Variants in SYT14 observed in about 807,000 individuals in gnomAD.
SYT14 encodes the protein synaptotagmin 14.
A neutral mutation model predicts 74.2 loss-of-function variants in SYT14; 32 were observed. That is an observed-to-expected ratio of 0.43 (90% confidence interval 0.33 to 0.58). The LOEUF is 0.58. SYT14 is among the 20% of genes least tolerant of loss of function. The pLI is 0.05. For synonymous variants in SYT14, 298 were observed against 337.7 expected, an observed-to-expected ratio of 0.88 and a Z score of 1.29; for missense variants, 791 against 981.8, an observed-to-expected ratio of 0.81 and a Z score of 2.60.
At chr1:209,957,214 C>A (rs926458987) in intron 2 of SYT14, among the ~76,000 whole-genome samples, 2 of 152,060 alleles carry the variant, frequency 1.3e-5, no homozygotes, top group African/African-American at 4.8e-5. Context: ...CTAACTTTAG[C>A]CCCCATTGCT....
chr1:210,022,269 G>A (rs2080319008), intron 5 of SYT14, among the ~76,000 whole-genome samples: 1 of 152,106 alleles, frequency 6.6e-6, no homozygotes, highest in African/African-American at 2.4e-5. Flanking sequence ...AAAGATTAGT[G>A]CACCTCAATT....
intron 2 of SYT14, among the ~76,000 whole-genome samples, chr1:209,973,202 A>G (rs2079290196): frequency 6.6e-6 from 1 of 150,592 alleles, no homozygotes; most frequent in African/African-American, 2.4e-5. Context: ...TAGATCTTTC[A>G]TTTCATTTTA....
exon 10 of SYT14, chr1:210,161,966 A>G (rs1376318463): frequency 2.2e-6 from 1 of 453,826 alleles, no homozygotes; most frequent in South Asian, 1.6e-5. Context: ...TCGAAAATGG[A>G]AAACAATTCA....
intron 2 of SYT14, among the ~76,000 whole-genome samples, chr1:209,996,430 A>G (rs1049728083): frequency 1.3e-5 from 2 of 152,178 alleles, no homozygotes; most frequent in African/African-American, 4.8e-5. Flanking sequence ...GAACAGATCA[A>G]TATAAAGATC....
intron 7 of SYT14, among the ~76,000 whole-genome samples, chr1:210,148,195 C>T (rs149341571): frequency 8.0e-4 from 122 of 152,266 alleles, no homozygotes; most frequent in African/African-American, 2.7e-3. Flanking sequence ...TTGTGGATTT[C>T]AGCCCCTATC....
chr1:210,119,776 T>C (rs922860082), intron 7 of SYT14, among the ~76,000 whole-genome samples: 1 of 152,220 alleles, frequency 6.6e-6, no homozygotes, highest in Non-Finnish European at 1.5e-5. Context: ...GTGTTGATTA[T>C]GCAAAGATGT....
At chr1:210,085,026 C>T (rs2081694771) in intron 5 of SYT14, among the ~76,000 whole-genome samples, 1 of 152,156 alleles carries the variant, frequency 6.6e-6, no homozygotes, top group Non-Finnish European at 1.5e-5. Flanking sequence ...CAGGCACTGC[C>T]TAGAATGCCA....
chr1:210,021,897 TA>T (rs1323401262), intron 5 of SYT14, among the ~76,000 whole-genome samples: 1 of 152,220 alleles, frequency 6.6e-6, no homozygotes, highest in Non-Finnish European at 1.5e-5. Context: ...GAACTCAACC[TA>T]TATAGAAGAT....
intron 2 of SYT14, among the ~76,000 whole-genome samples, chr1:209,971,190 T>C (rs779646135): frequency 2.0e-5 from 3 of 152,190 alleles, no homozygotes; most frequent in African/African-American, 4.8e-5. Context: ...AGCTTAAACA[T>C]TATAAGTGTA....
chr1:210,032,942 T>G (rs1323034814), intron 5 of SYT14, among the ~76,000 whole-genome samples: 2 of 151,860 alleles, frequency 1.3e-5, no homozygotes, highest in Non-Finnish European at 2.9e-5. Flanking sequence ...ATTTTTTTTT[T>G]GCCTTAAAAC....
At chr1:210,092,068 C>T (rs1273251166) in intron 5 of SYT14, among the ~76,000 whole-genome samples, 1 of 152,170 alleles carries the variant, frequency 6.6e-6, no homozygotes, top group Non-Finnish European at 1.5e-5. Context: ...TAAATATGTA[C>T]TTTTAAAGGG....
At chr1:210,040,536 A>G (rs1572199942) in intron 5 of SYT14, among the ~76,000 whole-genome samples, 1 of 152,240 alleles carries the variant, frequency 6.6e-6, no homozygotes, top group Non-Finnish European at 1.5e-5. Context: ...AAGAAACCAA[A>G]GTGATATTAG....
chr1:210,155,876 C>A, exon 8 of SYT14: 1 of 1,614,004 alleles, frequency 6.2e-7, no homozygotes, highest in South Asian at 1.1e-5. Context: ...TAAAAGGCAG[C>A]CACTTCAAAA....
intron 7 of SYT14, among the ~76,000 whole-genome samples, chr1:210,117,793 A>T (rs942194967): frequency 3.3e-5 from 5 of 152,220 alleles, no homozygotes; most frequent in African/African-American, 1.2e-4. Flanking sequence ...TCAGGTTTAA[A>T]GGTCAAGTCT....
intron 2 of SYT14, among the ~76,000 whole-genome samples, chr1:209,993,269 G>A (rs530922012): frequency 6.0e-4 from 92 of 152,302 alleles, no homozygotes; most frequent in Non-Finnish European, 1.2e-3. Context: ...GTGCAAGCTC[G>A]CCTGTCGACT....
Position 209,954,396 on chromosome 1 carries a change from C to T in SYT14, c.-486+1640C>T, listed in dbSNP as rs575062922. On this transcript the variant is annotated intron_variant, in intron 2 of 9. Transcript: ENST00000637265. ...TTTGCCCAGATTTCTCTATATTAGT[C>T]TAGCTTTTTTGCTGTCTTCCGTTTA... Among the ~76,000 whole-genome samples the T allele has an allele frequency of 6.6e-5, 10 of 152,014 alleles. No individual in the cohort carries two copies. The South Asian group carries it at 2.1e-3, about 32-fold the overall frequency.
At chr1:210,115,626 G>A (rs1449250478) in intron 7 of SYT14, among the ~76,000 whole-genome samples, 1 of 150,940 alleles carries the variant, frequency 6.6e-6, no homozygotes, top group South Asian at 2.1e-4. Context: ...AAGGATGGCG[G>A]CAAGGTTGAA....
chr1:210,043,748 G>A (rs192458433), intron 5 of SYT14, among the ~76,000 whole-genome samples: 1 of 152,150 alleles, frequency 6.6e-6, no homozygotes, highest in Non-Finnish European at 1.5e-5. Flanking sequence ...ACTCACATAG[G>A]ATATGAAGTT....
At chr1:210,027,136 T>C (rs1006388372) in intron 5 of SYT14, among the ~76,000 whole-genome samples, 1 of 152,188 alleles carries the variant, frequency 6.6e-6, no homozygotes, top group Non-Finnish European at 1.5e-5. Context: ...ATTTTTAATT[T>C]TATCTGTATT....
Sources: allele counts gnomAD v4.1 joint callset (sites outside exome capture counted in the v4.1 genomes callset), GRCh38; gene constraint gnomAD v4.1.1; transcripts MANE v1.5; gene names NCBI Gene and HGNC (gene_info 2026-07-23, HGNC 2026-07-21).